THADA: variants seen among roughly 807,000 people sequenced by gnomAD.
THADA encodes tRNA (32-2'-O)-methyltransferase regulator THADA.
A neutral mutation model predicts 219.8 loss-of-function variants in THADA; 213 were observed. The observed-to-expected ratio is 0.97, with a 90% CI of 0.87 to 1.09. The LOEUF is 1.09. Among genes scored for constraint, THADA ranks in the 50% least tolerant of loss-of-function variants. The pLI is 0.00. For missense variants in THADA, 2,956 were observed against 2,311.3 expected (o/e 1.28, Z -5.72); for synonymous variants, 1,018 against 828.9 (o/e 1.23, Z -3.92).
rs919734598 is a variant in THADA at position 43,313,299 on chromosome 2, G to C, written c.4438+7147C>G. Among the ~76,000 whole-genome samples, 3 of 152,156 alleles carry C rather than the reference G, an allele frequency of 2.0e-5. No homozygotes were observed. The South Asian group carries it at 6.2e-4, about 32-fold the overall frequency. On this transcript the variant is annotated intron_variant, in intron 31 of 37. Coordinates refer to ENST00000405975, the MANE Select transcript of THADA (RefSeq NM_022065.5). ...CTAATCGTACACTGATCTACAGAGC[G>C]CACTGACTTGGCATTTAGACTATTT...
chr2:43,329,480 C>T (rs936166568), intron 30 of THADA, among the ~76,000 whole-genome samples: 1 of 151,938 alleles, frequency 6.6e-6, no homozygotes, highest in African/African-American at 2.4e-5. Context: ...GGAAATTAGC[C>T]CTGGTAAAAA....
Position 43,259,382 on chromosome 2 carries a change from A to G in THADA, c.5296+20383T>C, listed in dbSNP as rs1247275430. On this transcript the variant is annotated intron_variant, in intron 36 of 37. Coordinates refer to ENST00000405975, the MANE Select transcript of THADA (RefSeq NM_022065.5). The stretch of plus-strand genomic sequence containing the variant: ...TCAGGAATCACAACCATTGGCTACA[A>G]CTGAGATAGTACATGATTGTCCGCT... Among the ~76,000 whole-genome samples, 3 of 152,190 alleles carry G rather than the reference A, an allele frequency of 2.0e-5. No individual in the cohort carries two copies. The South Asian group carries it at 6.2e-4, about 32-fold the overall frequency.
rs1559001413 is a variant in THADA at position 43,574,414 on chromosome 2, G to A, written c.1651C>T (p.Pro551Ser). 2 of 1,610,286 alleles carry A rather than the reference G, an allele frequency of 1.2e-6. No individual in the cohort carries two copies. The highest frequency in any genetic ancestry group is 2.2e-5 in the South Asian group (2 of 90,490). Residue 551 changes from proline (P) to serine (S), a missense_variant, in exon 11 of 38, where the codon CCA becomes TCA. By Grantham distance (74) the Pro-to-Ser change is moderately conservative. Coordinates refer to ENST00000405975, the MANE Select transcript of THADA (RefSeq NM_022065.5). The stretch of plus-strand genomic sequence containing the variant: ...TCAGGGCTGTAACTTAATAATTTTG[G>A]CAAGTAATAATCAATCACGTAAGAT... ...QKSYVIDYYL[P>S]KLLSYSPESL...
At chr2:43,582,215 G>A (rs1700532592) in intron 7 of THADA, among the ~76,000 whole-genome samples, 1 of 152,188 alleles carries the variant, frequency 6.6e-6, no homozygotes. Flanking sequence ...ACAGAACTCA[G>A]TCTGGGCGAA....
At chr2:43,545,640 G>C (rs1695925385) in intron 20 of THADA, among the ~76,000 whole-genome samples, 1 of 152,194 alleles carries the variant, frequency 6.6e-6, no homozygotes, top group African/African-American at 2.4e-5. Context: ...ATTTCTTCTA[G>C]ATTTTCTAGT....
intron 21 of THADA, among the ~76,000 whole-genome samples, chr2:43,535,675 C>CAAAAAAAAAAAA (rs1177702416): frequency 6.6e-5 from 2 of 30,366 alleles, no homozygotes; most frequent in African/African-American, 1.2e-4. Context: ...CAGCGAGACT[C>CAAAAAAAAAAAA]AAAAAAAAAA....
chr2:43,341,632 A>G (rs1667074158), intron 30 of THADA, among the ~76,000 whole-genome samples: 1 of 152,162 alleles, frequency 6.6e-6, no homozygotes, highest in African/African-American at 2.4e-5. Context: ...GTAGCAAGCT[A>G]AGGGGGCAGA....
chr2:43,546,120 T>C (rs1382120197), intron 20 of THADA, among the ~76,000 whole-genome samples: 14 of 151,100 alleles, frequency 9.3e-5, no homozygotes, highest in Admixed American at 2.6e-4. Flanking sequence ...TCTGCCTTCA[T>C]TTCGTTATGT....
chr2:43,387,576 A>G (rs1672843731), intron 29 of THADA, among the ~76,000 whole-genome samples: 1 of 150,984 alleles, frequency 6.6e-6, no homozygotes, highest in South Asian at 2.1e-4. Context: ...GCTGTATCAC[A>G]CCTTGTCCCA....
At chr2:43,412,046 ATTCCCAC>A (rs1676370816) in intron 28 of THADA, among the ~76,000 whole-genome samples, 1 of 152,186 alleles carries the variant, frequency 6.6e-6, no homozygotes. Context: ...AATACTGCTA[ATTCCCAC>A]TGCCAATTTT....
chr2:43,530,857 A>G (rs1445993461), intron 21 of THADA, among the ~76,000 whole-genome samples: 6 of 150,222 alleles, frequency 4.0e-5, no homozygotes, highest in African/African-American at 1.5e-4. Flanking sequence ...CCTCAACCCT[A>G]GGTATTCCTG....
chr2:43,291,511 G>A (rs1035483530), intron 34 of THADA, among the ~76,000 whole-genome samples, 185 bp downstream of exon 34: 4 of 130,788 alleles, frequency 3.1e-5, no homozygotes, highest in African/African-American at 1.2e-4. Context: ...GAAAGGTGGT[G>A]TCCAAAGAAG....
rs144641359 is a variant in THADA, at chr2:43,321,519, T to C, written c.4344-979A>G. ...TACTGTCCTCATGAATGAATGAATG[T>C]TGTTATCTTGGGATTGGGCTAGTGA... On this transcript the variant is annotated intron_variant, in intron 30 of 37. Transcript: ENST00000405975. 5.9e-3 allele frequency among the ~76,000 whole-genome samples: 896 copies of C among 152,266 alleles called. 14 individuals carry two copies. The highest frequency in any genetic ancestry group is 0.02 in the African/African-American group (844 of 41,542).
chr2:43,248,162 T>TAGAGAGAGAGAG (rs1669406546), intron 36 of THADA, among the ~76,000 whole-genome samples: 8 of 44,402 alleles, frequency 1.8e-4, no homozygotes, highest in East Asian at 1.0e-3. Context: ...TATATATATA[T>TAGAGAGAGAGAG]ATAGAGAGAG....
At chr2:43,383,555 GT>G (rs1255922707) in intron 29 of THADA, among the ~76,000 whole-genome samples, 2 of 152,196 alleles carry the variant, frequency 1.3e-5, no homozygotes, top group African/African-American at 4.8e-5. Context: ...GGGAGCCCCA[GT>G]ACAGCATCCT....
At chr2:43,266,252 T>C (rs1671506689) in intron 36 of THADA, among the ~76,000 whole-genome samples, 1 of 152,114 alleles carries the variant, frequency 6.6e-6, no homozygotes, top group Admixed American at 6.5e-5. Context: ...AACCAGGCTG[T>C]GCTACAGAAA....
intron 15 of THADA, chr2:43,564,647 T>C (rs1046662638): frequency 7.2e-5 from 11 of 152,244 alleles, no homozygotes; most frequent in African/African-American, 2.7e-4. Flanking sequence ...TGGATGTGTT[T>C]TAGAGACCAT....
chr2:43,320,423 T>C lies in THADA; in HGVS notation c.4438+23A>G, dbSNP rs373489987. On this transcript the variant is annotated intron_variant, in intron 31 of 37. Transcript: ENST00000405975. ...TCAAAGATGTGTAACGATTCCAAAA[T>C]ACAGTATAACTATGAATCATACCTG... 8.1e-5 allele frequency: 128 copies of C among 1,582,682 alleles called. No homozygotes were observed. The African/African-American group carries it at 1.6e-3, about 19-fold the overall frequency.
chr2:43,263,243 G>C lies in THADA; in HGVS notation c.5296+16522C>G, dbSNP rs180684220. Among the ~76,000 whole-genome samples the C allele has an allele frequency of 7.4e-4, 113 of 152,218 alleles. 1 individual carries two copies. Among genetic ancestry groups the C allele is most frequent in the Non-Finnish European group, 1.1e-3 (77 of 68,014 alleles). On this transcript the variant is annotated intron_variant, in intron 36 of 37. Transcript: ENST00000405975. Reference sequence around the variant, plus strand: ...TTAATAGAAGGCCAATTTTGTTCTGGGAGGTGATGGTTCCAGTTCCAAGTG... The same window carrying C: ...TTAATAGAAGGCCAATTTTGTTCTGCGAGGTGATGGTTCCAGTTCCAAGTG...
Sources: allele counts gnomAD v4.1 joint callset (sites outside exome capture counted in the v4.1 genomes callset), GRCh38; gene constraint gnomAD v4.1.1; transcripts MANE v1.5; gene names NCBI Gene and HGNC (gene_info 2026-07-23, HGNC 2026-07-21).